Variants in RRBP1 observed in about 807,000 individuals in gnomAD.
RRBP1 encodes ribosome binding protein 1.
Under a neutral mutation model 165.2 loss-of-function variants are expected in RRBP1, and 94 were observed. The ratio of observed to expected loss-of-function variants is 0.57; its 90% CI spans 0.48 to 0.68. The LOEUF (loss-of-function observed/expected upper bound fraction) is 0.68. Among genes scored for constraint, RRBP1 ranks in the 30% least tolerant of loss-of-function variants. RRBP1 has a pLI of 0.00. For missense variants in RRBP1, 1,676 were observed against 1,763.0 expected (o/e 0.95, Z 0.88); for synonymous variants, 680 against 714.5 (o/e 0.95, Z 0.77).
rs368685098 is a variant in RRBP1, at chr20:17,627,303, C to G, written c.2963+45G>C. Reference sequence around the variant, plus strand: ...GGCCCCCCAAGGGTCTTTGGTCCCCCGGGCTGAGGCTCAAGTGAGCAGGCA... The same window carrying G: ...GGCCCCCCAAGGGTCTTTGGTCCCCGGGGCTGAGGCTCAAGTGAGCAGGCA... On this transcript the variant is annotated intron_variant, in intron 11 of 24. Coordinates refer to ENST00000377813, the MANE Select transcript of RRBP1 (RefSeq NM_001365613.2). The G allele has an allele frequency of 6.9e-6, 11 of 1,604,744 alleles. No individual in the cohort carries two copies. In the African/African-American group the frequency reaches 8.0e-5, roughly 12 times the overall value.
At chr20:17,615,603 C>A in intron 22 of RRBP1, 74 bp from the exon 23 acceptor site, 2 of 1,285,956 alleles carry the variant, frequency 1.6e-6, no homozygotes, top group Middle Eastern at 1.9e-4. Context: ...CTACCGAGCA[C>A]GCCTGGGGAC....
In RRBP1 at chr20:17,658,853, G is replaced by GA. The variant is rs2036694623; in HGVS notation, c.1654dup (p.Ser552PhefsTer4). ...TACCTTTGTGCCCTGATTAGCAACCGAATCTGCCTTTTTGCCCTGGATGGG... is the reference window on the plus strand; with the variant it reads ...TACCTTTGTGCCCTGATTAGCAACCGAAATCTGCCTTTTTGCCCTGGATGGG... On this transcript the variant is annotated frameshift_variant, in exon 3 of 25. Coordinates refer to ENST00000377813, the MANE Select transcript of RRBP1 (RefSeq NM_001365613.2). LOFTEE classifies it high-confidence loss of function. The GA allele has an allele frequency of 1.9e-6, 3 of 1,613,876 alleles. No individual in the cohort carries two copies. Among genetic ancestry groups the GA allele is most frequent in the Non-Finnish European group, 2.5e-6 (3 of 1,179,896 alleles).
chr20:17,637,422 T>G (rs1325770811), intron 5 of RRBP1, among the ~76,000 whole-genome samples: 1 of 151,858 alleles, frequency 6.6e-6, no homozygotes, highest in African/African-American at 2.4e-5. Context: ...GGGTGACAAC[T>G]CAAGGAAAGG....
rs182432719 is a variant in RRBP1 at position 17,619,926 on chromosome 20, C to T, written c.3580-198G>A. The T allele has an allele frequency of 2.8e-4, 159 of 558,336 alleles. 1 individual carries two copies. The highest frequency in any genetic ancestry group is 9.4e-4 in the Admixed American group (27 of 28,746). The allele number at this position is 558,336 out of a possible 1,614,324, so 34.6% of individuals were successfully genotyped here. A position where few individuals can be genotyped will look rare whatever the true frequency, so the allele number is the denominator to read the frequency against. On this transcript the variant is annotated intron_variant, in intron 18 of 24. Coordinates refer to ENST00000377813, the MANE Select transcript of RRBP1 (RefSeq NM_001365613.2). Reference sequence around the variant, plus strand: ...GAAAGTGGCAGGCTGCACCCGGGCACTCCTGGGGACTGACATGCTCTTAGA... The same window carrying T: ...GAAAGTGGCAGGCTGCACCCGGGCATTCCTGGGGACTGACATGCTCTTAGA...
At chr20:17,681,554 C>CA (rs1555820120) in intron 1 of RRBP1, among the ~76,000 whole-genome samples, 1 of 149,624 alleles carries the variant, frequency 6.7e-6, no homozygotes, top group South Asian at 2.1e-4. Flanking sequence ...GCCCGCACCC[C>CA]ACCCCTCCGG....
intron 19 of RRBP1, chr20:17,619,212 C>A (rs1427593419): frequency 5.6e-6 from 1 of 177,486 alleles, no homozygotes; most frequent in Non-Finnish European, 1.2e-5. Context: ...AGCCGCTGTG[C>A]CTGGCCCAAA....
At chr20:17,633,759 C>A in intron 7 of RRBP1, 146 bp from the exon 8 acceptor site, 2 of 764,644 alleles carry the variant, frequency 2.6e-6, no homozygotes, top group South Asian at 1.8e-5. Context: ...TTTCCATTAT[C>A]AGCTGTGTGG....
At position 17,614,945 on chromosome 20, in the gene RRBP1, C is replaced by T. The variant is rs766289480; in HGVS notation, c.4051-65G>A. Reference sequence around the variant, plus strand: ...GGCAGGAGGGCCACCCCAGCTATGCCCACAGGACCCTGACGCCAGGGGCTG... The same window carrying T: ...GGCAGGAGGGCCACCCCAGCTATGCTCACAGGACCCTGACGCCAGGGGCTG... On this transcript the variant is annotated intron_variant, in intron 23 of 24. Transcript: ENST00000377813. 5.4e-5 allele frequency: 84 copies of T among 1,564,676 alleles called. 1 individual carries two copies. Among genetic ancestry groups the T allele is most frequent in the Non-Finnish European group, 7.2e-5 (83 of 1,146,736 alleles).
intron 6 of RRBP1, 57 bp downstream of exon 6, chr20:17,636,520 C>T (rs576753933): frequency 6.3e-7 from 1 of 1,586,998 alleles, no homozygotes; most frequent in Admixed American, 1.7e-5. Context: ...CTCCCTCCGT[C>T]CTGGACCTGG....
chr20:17,615,934 A>G lies in RRBP1; in HGVS notation c.3943T>C (p.Phe1315Leu). ...QTQRQKLTAE[F>L]EEAQTSACRL... is the part of the protein sequence containing the mutation. Reference sequence around the variant, plus strand: ...ACCAGGCAGGGCCTGACCTCCTCAAACTCGGCCGTGAGCTTCTGCCGCTGT... The same window carrying G: ...ACCAGGCAGGGCCTGACCTCCTCAAGCTCGGCCGTGAGCTTCTGCCGCTGT... The change falls in exon 22 of 25, where the codon TTT becomes CTT. Residue 1315 changes from phenylalanine (F) to leucine (L), a missense_variant. Phe to Leu is a conservative substitution (Grantham distance 22). Transcript: ENST00000377813. 1 of 1,609,750 alleles carries G rather than the reference A, an allele frequency of 6.2e-7. No homozygotes were observed. The highest frequency in any genetic ancestry group is 2.2e-5 in the East Asian group (1 of 44,856).
intron 3 of RRBP1, among the ~76,000 whole-genome samples, chr20:17,647,386 C>T (rs1432776748): frequency 6.6e-6 from 1 of 152,232 alleles, no homozygotes; most frequent in East Asian, 1.9e-4. Context: ...TGGGCCCTAG[C>T]GTGTCAGACT....
chr20:17,628,711 C>A (rs1056034503), intron 9 of RRBP1, among the ~76,000 whole-genome samples: 1 of 152,266 alleles, frequency 6.6e-6, no homozygotes, highest in Admixed American at 6.5e-5. Flanking sequence ...CACCTCCGGG[C>A]CCTGTGCTGG....
chr20:17,651,659 AC>A (rs974301655), intron 3 of RRBP1, among the ~76,000 whole-genome samples: 44 of 151,086 alleles, frequency 2.9e-4, no homozygotes, highest in African/African-American at 1.0e-3. Context: ...CCGCCCCTCC[AC>A]CCCCGGGAAG....
Position 17,636,855 on chromosome 20 carries a change from G to A in RRBP1, c.2185-126C>T, listed in dbSNP as rs1428152627. The A allele has an allele frequency of 6.1e-5, 74 of 1,209,402 alleles. 1 individual carries two copies. The South Asian group carries it at 7.9e-4, about 13-fold the overall frequency. 74.9% of individuals were successfully genotyped at this position (1,209,402 alleles called of 1,614,324 possible). On this transcript the variant is annotated intron_variant, in intron 5 of 24. Coordinates refer to ENST00000377813, the MANE Select transcript of RRBP1 (RefSeq NM_001365613.2). ...AGAGCACAGACCCCTCCTGCTGGCC[G>A]GGTTCTCAGCTAGACTCAAGCCAGC...
chr20:17,647,863 A>G (rs1292914450), intron 3 of RRBP1, among the ~76,000 whole-genome samples: 2 of 152,226 alleles, frequency 1.3e-5, no homozygotes, highest in African/African-American at 2.4e-5. Flanking sequence ...AGTGCAGACC[A>G]AGGCACCCAG....
intron 3 of RRBP1, among the ~76,000 whole-genome samples, chr20:17,650,302 T>C (rs1215520117): frequency 6.6e-6 from 1 of 152,222 alleles, no homozygotes; most frequent in Non-Finnish European, 1.5e-5. Flanking sequence ...AGAATGGGCC[T>C]CTGAAATGCC....
intron 17 of RRBP1, 45 bp from the exon 18 acceptor site, chr20:17,620,415 G>T (rs746458052): frequency 6.5e-7 from 1 of 1,547,820 alleles, no homozygotes; most frequent in African/African-American, 1.4e-5. Flanking sequence ...GCACCTGGGG[G>T]TGTCTCCTTC....
chr20:17,627,658 G>C lies in RRBP1; in HGVS notation c.2774C>G (p.Ser925Cys), dbSNP rs1238393635. ...GCATTTGCTGCGCACCTCCGCCTCG[G>C]AGGACTGTAACTTGCTGTGCAGCTC... The part of the protein sequence containing the change: ...MAELHSKLQS[S>C]EAEVRSKCEE... The change falls in exon 10 of 25, where the codon TCC becomes TGC. Residue 925 changes from serine (S) to cysteine (C), a missense_variant. Ser to Cys is a moderately radical substitution (Grantham distance 112). This residue lies in a region of RRBP1 where 1,184 missense variants were observed against 1,167.1 expected (regional missense o/e 1.01). Transcript: ENST00000377813. 2 of 1,608,982 alleles carry C rather than the reference G, an allele frequency of 1.2e-6. No individual in the cohort carries two copies. Among genetic ancestry groups the C allele is most frequent in the Non-Finnish European group, 1.7e-6 (2 of 1,177,508 alleles).
intron 23 of RRBP1, among the ~76,000 whole-genome samples, chr20:17,615,127 C>A (rs2035773207): frequency 6.6e-6 from 1 of 152,238 alleles, no homozygotes. Flanking sequence ...TCCGCACTGT[C>A]CAAGGCAGCA....
Sources: allele counts gnomAD v4.1 joint callset (sites outside exome capture counted in the v4.1 genomes callset), GRCh38; gene constraint gnomAD v4.1.1; regional missense constraint gnomAD v4.1.1; transcripts MANE v1.5; gene names NCBI Gene and HGNC (gene_info 2026-07-23, HGNC 2026-07-21).